The following CDH26 variants were observed in gnomAD, a reference collection of about 807,000 sequenced individuals.
CDH26 encodes the protein cadherin 26, also known as cadherin-like protein 26.
In CDH26, 83 loss-of-function variants were observed where a neutral mutation model predicts 90.3. That is an observed-to-expected ratio of 0.92 (90% CI 0.77 to 1.10). The LOEUF is 1.10. CDH26 is among the 50% of genes least tolerant of loss of function. The pLI is 0.00. For missense variants in CDH26, 1,013 were observed against 1,037.6 expected, an observed-to-expected ratio of 0.98 and a Z score of 0.33; for synonymous variants, 397 against 396.3, an observed-to-expected ratio of 1.00 and a Z score of -0.02.
Position 59,996,621 on chromosome 20 carries a change from C to G in CDH26, c.1889-10C>G, listed in dbSNP as rs931024451. ...TGTCTAATCTGTTTTTCCCCTTTGT[C>G]TTATAACAGTGGCTCTGCTTTTTCT... is the stretch of plus-strand genomic sequence containing the variant. On this transcript the variant is annotated splice_polypyrimidine_tract_variant and intron_variant, in intron 12 of 17. Transcript: ENST00000348616. 3 of 1,614,066 alleles carry G rather than the reference C, an allele frequency of 1.9e-6. No individual in the cohort carries two copies. Among genetic ancestry groups the G allele is most frequent in the African/African-American group, 2.7e-5 (2 of 74,916 alleles).
chr20:60,031,494 G>A, intron 8 of CDH26: 2 of 1,045,382 alleles, frequency 1.9e-6, no homozygotes, highest in Non-Finnish European at 2.3e-6. Context: ...TATGAATTCA[G>A]GCGTTCAAGT....
chr20:60,021,223 G>A (rs936144859), intron 7 of CDH26, among the ~76,000 whole-genome samples: 2 of 152,196 alleles, frequency 1.3e-5, no homozygotes, highest in Non-Finnish European at 2.9e-5. Flanking sequence ...GTTGGTAAGG[G>A]CAATAGGTGG....
chr20:60,029,548 A>G (rs1210225275), intron 7 of CDH26, among the ~76,000 whole-genome samples: 1 of 152,182 alleles, frequency 6.6e-6, no homozygotes, highest in East Asian at 1.9e-4. Flanking sequence ...TACATATGCC[A>G]TGGTGGTTTG....
At chr20:60,025,178 G>A (rs931844273) in intron 7 of CDH26, among the ~76,000 whole-genome samples, 27 of 152,222 alleles carry the variant, frequency 1.8e-4, no homozygotes, top group Admixed American at 6.5e-5. Flanking sequence ...GTCATTCATC[G>A]TCGAACTTAA....
At position 59,975,239 on chromosome 20, in the gene CDH26, A is replaced by G. The variant is rs772853589; in HGVS notation, c.393+3116A>G. On this transcript the variant is annotated intron_variant, in intron 4 of 17. Transcript: ENST00000348616. ...AGGTCATACTGGATTAGGGTGGGCC[A>G]TAACCCAGTGACCAGTATTTTTAGA... Among the ~76,000 whole-genome samples the G allele has an allele frequency of 7.2e-5, 11 of 152,184 alleles. 1 individual carries two copies. The highest frequency in any genetic ancestry group is 7.2e-4 in the Admixed American group (11 of 15,276).
chr20:59,996,456 A>G (rs2061597941), intron 12 of CDH26, 175 bp from the exon 13 acceptor site: 2 of 1,602,748 alleles, frequency 1.2e-6, no homozygotes, highest in Non-Finnish European at 1.7e-6. Context: ...ACAGTTATGT[A>G]GCATCTACTG....
At chr20:59,962,776 A>G (rs2061093417) in intron 1 of CDH26, among the ~76,000 whole-genome samples, 1 of 152,208 alleles carries the variant, frequency 6.6e-6, no homozygotes, top group East Asian at 1.9e-4. Flanking sequence ...GTGGAGGCAG[A>G]GAAGAGCTGG....
chr20:59,979,749 C>A lies in CDH26; in HGVS notation c.394-3174C>A, dbSNP rs185119907. Among the ~76,000 whole-genome samples, 30 of 150,668 alleles carry A rather than the reference C, an allele frequency of 2.0e-4. 1 individual carries two copies. The East Asian group carries it at 5.9e-3, about 30-fold the overall frequency. On this transcript the variant is annotated intron_variant, in intron 4 of 17. Coordinates refer to ENST00000348616, the MANE Select transcript of CDH26 (RefSeq NM_177980.4). ...TCAAGCGATTCTCCTGCCTTAGTCT[C>A]CTGAGCAGCTGGGATTACAGGCACC...
In CDH26 at chr20:59,988,968, T is replaced by G; in HGVS notation, c.1088T>G (p.Leu363Arg). 6.2e-7 allele frequency: 1 copy of G among 1,614,128 alleles called. No homozygotes were observed. Among genetic ancestry groups the G allele is most frequent in the Non-Finnish European group, 8.5e-7 (1 of 1,180,028 alleles). Reference sequence around the variant, plus strand: ...ATTGTCGTGGAGAATGAGGAGAGGCTCGTCTTCTGTGAGAGAGGAAAGCTT... The same window carrying G: ...ATTGTCGTGGAGAATGAGGAGAGGCGCGTCTTCTGTGAGAGAGGAAAGCTT... ...LIIVVENEER[L>R]VFCERGKLQP... The change falls in exon 9 of 18, where the codon CTC becomes CGC. Residue 363 changes from leucine to arginine, a missense_variant. Physicochemically the swap from Leu to Arg is moderately radical, Grantham distance 102. Coordinates refer to ENST00000348616, the MANE Select transcript of CDH26 (RefSeq NM_177980.4).
chr20:59,994,161 AT>A (rs903156238), intron 10 of CDH26, 88 bp from the exon 11 acceptor site: 43 of 1,513,160 alleles, frequency 2.8e-5, no homozygotes, highest in African/African-American at 1.7e-4. Context: ...TTTCAGGAAT[AT>A]TTTTTTTCTG....
chr20:59,980,750 CA>C (rs1325078476), intron 4 of CDH26, among the ~76,000 whole-genome samples: 4 of 152,154 alleles, frequency 2.6e-5, no homozygotes, highest in African/African-American at 9.7e-5. Context: ...TCTTACAGAG[CA>C]AAAGTTATTA....
At chr20:60,035,346 A>T (rs914653619), downstream of CDH26, among the ~76,000 whole-genome samples, 1 of 152,258 alleles carries the variant, frequency 6.6e-6, no homozygotes, top group Non-Finnish European at 1.5e-5. Context: ...TACGTTTACA[A>T]TGTTAATACC....
Position 59,982,552 on chromosome 20 carries a change from T to C in CDH26, c.394-371T>C, listed in dbSNP as rs1043751403. Among the ~76,000 whole-genome samples, 6 of 152,254 alleles carry C rather than the reference T, an allele frequency of 3.9e-5. 1 individual carries two copies. The highest frequency in any genetic ancestry group is 1.4e-4 in the African/African-American group (6 of 41,466). ...TTAACTGTCTGCTCTCTGTGATGTT[T>C]CAGTAATATTCAGTTAATATATTTA... On this transcript the variant is annotated intron_variant, in intron 4 of 17. Coordinates refer to ENST00000348616, the MANE Select transcript of CDH26 (RefSeq NM_177980.4).
intron 17 of CDH26, among the ~76,000 whole-genome samples, chr20:60,007,993 A>G (rs1053774346): frequency 6.6e-6 from 1 of 152,172 alleles, no homozygotes; most frequent in Non-Finnish European, 1.5e-5. Context: ...GGGCAAACCC[A>G]TGGGCAGGTT....
At chr20:59,975,011 C>T (rs986283115) in intron 4 of CDH26, among the ~76,000 whole-genome samples, 3 of 152,090 alleles carry the variant, frequency 2.0e-5, no homozygotes, top group Non-Finnish European at 4.4e-5. Flanking sequence ...CAGGGCTCCT[C>T]ACATAATAGG....
At chr20:60,020,492 G>A (rs1282043131) in intron 7 of CDH26, among the ~76,000 whole-genome samples, 2 of 152,206 alleles carry the variant, frequency 1.3e-5, no homozygotes, top group Non-Finnish European at 2.9e-5. Flanking sequence ...TGAAGGGTGG[G>A]TTTCTTTTTT....
rs1487794968 is a variant in CDH26, at chr20:60,014,449, C to G, written c.*1719C>G. 6.6e-6 allele frequency: 1 copy of G among 152,042 alleles called. No homozygotes were observed. The highest frequency in any genetic ancestry group is 1.5e-5 in the Non-Finnish European group (1 of 68,058). 9.4% of individuals were successfully genotyped at this position (152,042 alleles called of 1,614,324 possible). A position where few individuals can be genotyped will look rare whatever the true frequency, so the allele number is the denominator to read the frequency against. Reference sequence around the variant, plus strand: ...ATCCTTTAATAAATCTCTCCCTATCCCTCTTTCCCCCCACCCTTCCCAGCT... The same window carrying G: ...ATCCTTTAATAAATCTCTCCCTATCGCTCTTTCCCCCCACCCTTCCCAGCT... On this transcript the variant is annotated 3_prime_UTR_variant, in exon 18 of 18. Transcript: ENST00000348616.
downstream of CDH26, among the ~76,000 whole-genome samples, chr20:60,018,866 G>A (rs1164818437): frequency 6.6e-6 from 1 of 151,322 alleles, no homozygotes; most frequent in African/African-American, 2.4e-5. Context: ...ACTTCTAGAT[G>A]TAAAACTCCC....
intron 10 of CDH26, among the ~76,000 whole-genome samples, chr20:59,993,098 G>A (rs532180520): frequency 3.5e-4 from 53 of 152,188 alleles, no homozygotes; most frequent in Admixed American, 2.9e-3. Context: ...ATCACTATAC[G>A]TTCCATTCTG....
Sources: allele counts gnomAD v4.1 joint callset (sites outside exome capture counted in the v4.1 genomes callset), GRCh38; gene constraint gnomAD v4.1.1; transcripts MANE v1.5; gene names NCBI Gene and HGNC (gene_info 2026-07-23, HGNC 2026-07-21).